Variants in NEGR1 observed in about 807,000 individuals in gnomAD.
NEGR1 encodes neuronal growth regulator 1, also known as IgLON family member 4.
NEGR1 carries 10 observed loss-of-function variants against 40.9 expected under a neutral mutation model. That is an observed-to-expected ratio of 0.24 (90% CI 0.15 to 0.42). The LOEUF (loss-of-function observed/expected upper bound fraction) is 0.42. Among genes scored for constraint, NEGR1 ranks in the 10% least tolerant of loss-of-function variants. The pLI, the probability that NEGR1 is intolerant of heterozygous loss-of-function variation, is 1.00. For missense variants in NEGR1, 352 were observed against 438.9 expected (o/e 0.80, Z 1.77); for synonymous variants, 185 against 166.8 (o/e 1.11, Z -0.84).
intron 6 of NEGR1, among the ~76,000 whole-genome samples, chr1:71,538,265 C>T (rs1647576257): frequency 6.6e-6 from 1 of 151,620 alleles, no homozygotes. Context: ...TTTTATAACT[C>T]TGCACACACG....
intron 4 of NEGR1, among the ~76,000 whole-genome samples, chr1:71,629,184 T>A (rs1447052673): frequency 6.6e-6 from 1 of 152,156 alleles, no homozygotes; most frequent in East Asian, 1.9e-4. Context: ...TTTTTTCATA[T>A]GTTTGTTGGC....
chr1:71,420,868 C>A (rs1646389551), intron 6 of NEGR1, among the ~76,000 whole-genome samples: 1 of 152,060 alleles, frequency 6.6e-6, no homozygotes, highest in South Asian at 2.1e-4. Flanking sequence ...ATAATATGAT[C>A]AAAATAATTC....
intron 1 of NEGR1, among the ~76,000 whole-genome samples, chr1:72,140,679 A>G (rs1235799860): frequency 1.3e-5 from 2 of 152,050 alleles, no homozygotes; most frequent in African/African-American, 4.8e-5. Flanking sequence ...TTGTTTTTCA[A>G]TCGAAATAAA....
At chr1:72,044,393 A>T (rs1334795865) in intron 1 of NEGR1, among the ~76,000 whole-genome samples, 4 of 151,312 alleles carry the variant, frequency 2.6e-5, no homozygotes, top group East Asian at 3.9e-4. Flanking sequence ...AGAAGAAACT[A>T]TTTTTTTCTG....
intron 2 of NEGR1, among the ~76,000 whole-genome samples, chr1:71,883,762 TC>T (rs1224245766): frequency 7.5e-6 from 1 of 133,030 alleles, no homozygotes; most frequent in Non-Finnish European, 1.6e-5. Context: ...TGTGTGATGT[TC>T]CCCATCCTGT....
chr1:71,651,051 T>C (rs570819500), intron 4 of NEGR1, among the ~76,000 whole-genome samples: 1 of 152,300 alleles, frequency 6.6e-6, no homozygotes, highest in African/African-American at 2.4e-5. Context: ...TCTTGGCTGA[T>C]GTACACCATT....
At chr1:72,205,013 T>C (rs1233057847) in intron 1 of NEGR1, among the ~76,000 whole-genome samples, 1 of 152,068 alleles carries the variant, frequency 6.6e-6, no homozygotes, top group Non-Finnish European at 1.5e-5. Flanking sequence ...CATGAAACTT[T>C]ACTGATGGAA....
intron 6 of NEGR1, among the ~76,000 whole-genome samples, chr1:71,587,663 T>C (rs1379075570): frequency 1.3e-4 from 1 of 7,940 alleles, no homozygotes; most frequent in African/African-American, 2.0e-4. Context: ...CACACACACA[T>C]GCACACACAC....
At chr1:71,645,855 G>A (rs1412508365) in intron 4 of NEGR1, among the ~76,000 whole-genome samples, 1 of 151,724 alleles carries the variant, frequency 6.6e-6, no homozygotes. Context: ...AGTAATGATT[G>A]GGAAGTTCCA....
intron 1 of NEGR1, among the ~76,000 whole-genome samples, chr1:71,948,320 T>C (rs1004683601): frequency 6.6e-6 from 1 of 152,074 alleles, no homozygotes; most frequent in Non-Finnish European, 1.5e-5. Flanking sequence ...TTAGAAAAAC[T>C]TAAGCTGATA....
intron 1 of NEGR1, among the ~76,000 whole-genome samples, chr1:71,990,769 C>G (rs1003577195): frequency 6.6e-6 from 1 of 151,960 alleles, no homozygotes; most frequent in Non-Finnish European, 1.5e-5. Context: ...TAATTTTCAT[C>G]AAAACTTTAC....
intron 6 of NEGR1, among the ~76,000 whole-genome samples, chr1:71,462,991 G>A (rs1261492089): frequency 2.6e-5 from 4 of 152,194 alleles, no homozygotes; most frequent in East Asian, 3.9e-4. Context: ...TATTTCTTTT[G>A]TTCTTTTACT....
At chr1:72,052,572 A>G (rs530744861) in intron 1 of NEGR1, among the ~76,000 whole-genome samples, 57 of 151,640 alleles carry the variant, frequency 3.8e-4, no homozygotes, top group African/African-American at 1.3e-3. Flanking sequence ...TGATGTATAC[A>G]TAACCACATT....
chr1:71,775,947 C>A (rs189645389), intron 3 of NEGR1, among the ~76,000 whole-genome samples: 1 of 151,120 alleles, frequency 6.6e-6, no homozygotes, highest in African/African-American at 2.4e-5. Context: ...GAGACCGGTT[C>A]GCGCCACTGA....
At position 71,716,480 on chromosome 1, in the gene NEGR1, G is replaced by A. The variant is rs543142553; in HGVS notation, c.536-18341C>T. The stretch of plus-strand genomic sequence containing the variant: ...ATCACAAAATCCAAACTGTATGATA[G>A]CAGTGAGAAATTTTCATTGTTAAAA... On this transcript the variant is annotated intron_variant, in intron 3 of 6. Coordinates refer to ENST00000357731, the MANE Select transcript of NEGR1 (RefSeq NM_173808.3). Among the ~76,000 whole-genome samples, 100 of 152,182 alleles carry A rather than the reference G, an allele frequency of 6.6e-4. 1 individual carries two copies. The South Asian group carries it at 0.021, about 31-fold the overall frequency.
chr1:71,930,245 G>A (rs189219164), intron 2 of NEGR1, among the ~76,000 whole-genome samples: 1 of 152,206 alleles, frequency 6.6e-6, no homozygotes, highest in African/African-American at 2.4e-5. Context: ...CCAAAGAGAT[G>A]TTCCTTATAC....
intron 3 of NEGR1, among the ~76,000 whole-genome samples, chr1:71,755,367 C>T (rs746834346): frequency 1.2e-4 from 19 of 152,140 alleles, no homozygotes; most frequent in African/African-American, 2.7e-4. Context: ...CTCTGCAACT[C>T]GTTCTCTACA....
intron 2 of NEGR1, among the ~76,000 whole-genome samples, chr1:71,899,243 C>G (rs757790479): frequency 1.3e-5 from 2 of 151,614 alleles, no homozygotes; most frequent in African/African-American, 4.9e-5. Flanking sequence ...GAATCCAGAA[C>G]GCAGATCTTA....
At chr1:72,148,437 A>G (rs2100350043) in intron 1 of NEGR1, among the ~76,000 whole-genome samples, 1 of 152,018 alleles carries the variant, frequency 6.6e-6, no homozygotes, top group African/African-American at 2.4e-5. Flanking sequence ...TAGCCTAGAG[A>G]CATTTTCCCC....
Sources: gnomAD v4.1 joint callset for allele counts (sites outside exome capture counted in the v4.1 genomes callset) on GRCh38, gnomAD v4.1.1 for gene constraint, MANE v1.5 for transcripts, NCBI Gene and HGNC (gene_info 2026-07-23, HGNC 2026-07-21) for gene names.